The following ELMO1 variants were observed in gnomAD, a reference collection of about 807,000 sequenced individuals.
ELMO1 encodes engulfment and cell motility 1, also known as engulfment and cell motility protein 1.
ELMO1 carries 26 observed loss-of-function variants against 98.9 expected under a neutral mutation model. That is an observed-to-expected ratio of 0.26 (90% CI 0.19 to 0.36). The LOEUF (loss-of-function observed/expected upper bound fraction) is 0.36. Ranked by LOEUF, ELMO1 falls within the 10% of genes least tolerant of loss-of-function variation. The pLI is 1.00. For synonymous variants in ELMO1, 346 were observed against 346.0 expected (o/e 1.00, Z 0.00); for missense variants, 627 against 935.2 (o/e 0.67, Z 4.30).
chr7:36,886,657 A>G (rs2129050392), intron 18 of ELMO1, among the ~76,000 whole-genome samples: 1 of 152,226 alleles, frequency 6.6e-6, no homozygotes, highest in Admixed American at 6.5e-5. Context: ...TGCTTCTAGG[A>G]GAGTGTGGTA....
intron 1 of ELMO1, among the ~76,000 whole-genome samples, chr7:37,357,509 C>T (rs1801538240): frequency 6.6e-6 from 1 of 152,192 alleles, no homozygotes; most frequent in Admixed American, 6.5e-5. Flanking sequence ...TGGCTCTAAA[C>T]AGCAGAACCT....
At chr7:37,206,764 G>A (rs1242393043) in intron 13 of ELMO1, among the ~76,000 whole-genome samples, 1 of 151,556 alleles carries the variant, frequency 6.6e-6, no homozygotes, top group Non-Finnish European at 1.5e-5. Flanking sequence ...CCTGAAATAT[G>A]ATGAAATTTT....
intron 1 of ELMO1, among the ~76,000 whole-genome samples, chr7:37,388,188 A>C (rs972652394): frequency 6.6e-6 from 1 of 152,160 alleles, no homozygotes; most frequent in Admixed American, 6.5e-5. Context: ...AGAGTGTGAA[A>C]TTAGCCATTA....
intron 20 of ELMO1, among the ~76,000 whole-genome samples, chr7:36,866,827 C>A (rs1390464399): frequency 6.6e-6 from 1 of 152,186 alleles, no homozygotes; most frequent in East Asian, 1.9e-4. Context: ...TCCTTTTAGG[C>A]TGCAGGTCCC....
intron 1 of ELMO1, among the ~76,000 whole-genome samples, chr7:37,442,134 G>A (rs1227910125): frequency 6.6e-6 from 1 of 152,174 alleles, no homozygotes; most frequent in Non-Finnish European, 1.5e-5. Context: ...TTAGTGAACA[G>A]AGGCCAGGGA....
intron 1 of ELMO1, among the ~76,000 whole-genome samples, chr7:37,377,790 G>A (rs998570172): frequency 1.3e-5 from 2 of 152,070 alleles, no homozygotes; most frequent in African/African-American, 2.4e-5. Context: ...AGAAGCCAGC[G>A]CCTTGGCACC....
chr7:36,892,510 G>C (rs567216949), intron 17 of ELMO1, among the ~76,000 whole-genome samples: 3 of 152,282 alleles, frequency 2.0e-5, no homozygotes, highest in Admixed American at 6.5e-5. Context: ...CCAGCACCTT[G>C]AGCAGGGCCT....
intron 4 of ELMO1, among the ~76,000 whole-genome samples, chr7:37,301,044 G>A (rs2724009): frequency 6.6e-6 from 1 of 151,254 alleles, no homozygotes; most frequent in Non-Finnish European, 1.5e-5. Flanking sequence ...AGATTTTCTA[G>A]TTTATTTGCG....
chr7:37,061,935 C>CT (rs1341599278), intron 15 of ELMO1, among the ~76,000 whole-genome samples: 3 of 152,122 alleles, frequency 2.0e-5, no homozygotes, highest in Non-Finnish European at 4.4e-5. Flanking sequence ...GAGGGTCACA[C>CT]TGAAAGGCAA....
chr7:37,225,553 G>A (rs943658689), intron 8 of ELMO1, among the ~76,000 whole-genome samples: 3 of 152,066 alleles, frequency 2.0e-5, no homozygotes, highest in Admixed American at 6.6e-5. Flanking sequence ...CTCAGTCACC[G>A]GCCACTCTCT....
chr7:37,284,689 T>A (rs1210325274), intron 4 of ELMO1, among the ~76,000 whole-genome samples: 1 of 152,120 alleles, frequency 6.6e-6, no homozygotes, highest in Non-Finnish European at 1.5e-5. Context: ...GCCTTTGAAA[T>A]GTTCAAATTC....
Position 37,155,748 on chromosome 7 carries a change from A to G in ELMO1, c.1087-22514T>C, listed in dbSNP as rs549952767. 2.6e-5 allele frequency among the ~76,000 whole-genome samples: 4 copies of G among 152,294 alleles called. No individual in the cohort carries two copies. In the South Asian group the frequency reaches 6.2e-4, roughly 24 times the overall value. ...TGGGAGACTTTAACACCTCACTGTCAATATTAGACAGATCAACGAGACAGA... is the reference window on the plus strand; with the variant it reads ...TGGGAGACTTTAACACCTCACTGTCGATATTAGACAGATCAACGAGACAGA... On this transcript the variant is annotated intron_variant, in intron 13 of 21. Coordinates refer to ENST00000310758, the MANE Select transcript of ELMO1 (RefSeq NM_014800.11).
chr7:36,862,156 A>C, intron 20 of ELMO1: 1 of 206,574 alleles, frequency 4.8e-6, no homozygotes, highest in Non-Finnish European at 1.0e-5. Context: ...GTAAACTCCC[A>C]ATCAACAGGA....
At chr7:37,137,183 T>C (rs1787320484) in intron 13 of ELMO1, among the ~76,000 whole-genome samples, 1 of 152,090 alleles carries the variant, frequency 6.6e-6, no homozygotes, top group Non-Finnish European at 1.5e-5. Context: ...AAGAAGGACA[T>C]TATATAATGG....
chr7:37,316,875 TGA>T (rs1799198999), intron 2 of ELMO1, among the ~76,000 whole-genome samples: 3 of 152,206 alleles, frequency 2.0e-5, no homozygotes, highest in African/African-American at 7.2e-5. Context: ...CCTGTCTATA[TGA>T]AGGGCAATGT....
chr7:37,230,685 T>A (rs1223765979), intron 8 of ELMO1, among the ~76,000 whole-genome samples: 1 of 152,156 alleles, frequency 6.6e-6, no homozygotes, highest in Non-Finnish European at 1.5e-5. Context: ...CAAAAGAGGC[T>A]CTCATAACAG....
At chr7:37,051,896 G>A (rs756752653) in intron 15 of ELMO1, among the ~76,000 whole-genome samples, 3 of 152,154 alleles carry the variant, frequency 2.0e-5, no homozygotes, top group Non-Finnish European at 4.4e-5. Context: ...ATAAACCAGA[G>A]GCTCAGGTCA....
chr7:37,162,039 T>C (rs1584742328), intron 13 of ELMO1, among the ~76,000 whole-genome samples: 1 of 140,856 alleles, frequency 7.1e-6, no homozygotes, highest in Admixed American at 7.1e-5. Context: ...GGGAGAAAAA[T>C]GGGATTAATG....
intron 13 of ELMO1, among the ~76,000 whole-genome samples, chr7:37,144,552 A>G (rs1214719909): frequency 6.6e-6 from 1 of 152,086 alleles, no homozygotes; most frequent in Non-Finnish European, 1.5e-5. Flanking sequence ...GGCTTTGATA[A>G]ATGGCTTGAA....
Sources: gnomAD v4.1 joint callset for allele counts (sites outside exome capture counted in the v4.1 genomes callset) on GRCh38, gnomAD v4.1.1 for gene constraint, MANE v1.5 for transcripts, NCBI Gene and HGNC (gene_info 2026-07-23, HGNC 2026-07-21) for gene names.